The following NDUFAF2 variants were observed in gnomAD, a reference collection of about 807,000 sequenced individuals.
NDUFAF2 encodes NADH dehydrogenase [ubiquinone] 1 alpha subcomplex assembly factor 2.
Under a neutral mutation model 22.8 loss-of-function variants are expected in NDUFAF2, and 13 were observed. The observed-to-expected ratio is 0.57, with a 90% CI of 0.37 to 0.91. The LOEUF (loss-of-function observed/expected upper bound fraction) is 0.91. Ranked by LOEUF, NDUFAF2 falls within the 40% of genes least tolerant of loss-of-function variation. NDUFAF2 has a pLI of 0.01. For missense variants in NDUFAF2, 162 were observed against 195.2 expected (o/e 0.83, Z 1.01); for synonymous variants, 53 against 64.2 (o/e 0.83, Z 0.84).
chr5:61,037,814 T>C (rs779041518), intron 1 of NDUFAF2, among the ~76,000 whole-genome samples: 42 of 151,990 alleles, frequency 2.8e-4, no homozygotes, highest in Non-Finnish European at 4.7e-4. Flanking sequence ...TTCTGAAGGA[T>C]TTATGACATG....
At chr5:61,102,536 C>G (rs1268035830) in intron 3 of NDUFAF2, among the ~76,000 whole-genome samples, 2 of 151,940 alleles carry the variant, frequency 1.3e-5, no homozygotes, top group Non-Finnish European at 2.9e-5. Flanking sequence ...GGATTATAGA[C>G]TAGACATAAA....
At chr5:61,138,269 G>GAAGCAATAAT (rs1561137428) in intron 3 of NDUFAF2, among the ~76,000 whole-genome samples, 4 of 151,516 alleles carry the variant, frequency 2.6e-5, no homozygotes, top group Non-Finnish European at 4.4e-5. Context: ...GACTTATTAG[G>GAAGCAATAAT]AGTCCAAGCA....
chr5:60,985,427 C>A (rs955987088), intron 1 of NDUFAF2, among the ~76,000 whole-genome samples: 1 of 151,974 alleles, frequency 6.6e-6, no homozygotes, highest in Non-Finnish European at 1.5e-5. Flanking sequence ...TATTTCTTAC[C>A]TTCTGCTAGC....
chr5:61,060,012 C>T (rs1752144554), intron 1 of NDUFAF2, among the ~76,000 whole-genome samples: 1 of 152,088 alleles, frequency 6.6e-6, no homozygotes, highest in Non-Finnish European at 1.5e-5. Flanking sequence ...ACAGAAAGAG[C>T]TTATGCTTGG....
At chr5:60,991,687 T>A (rs534657477) in intron 1 of NDUFAF2, among the ~76,000 whole-genome samples, 6 of 152,310 alleles carry the variant, frequency 3.9e-5, no homozygotes, top group Non-Finnish European at 5.9e-5. Flanking sequence ...CACCTTTTTT[T>A]ATTCATTCAT....
chr5:61,063,615 G>A (rs555222344), intron 1 of NDUFAF2, among the ~76,000 whole-genome samples: 12 of 152,194 alleles, frequency 7.9e-5, no homozygotes, highest in Non-Finnish European at 1.3e-4. Context: ...GGTGGGGAGG[G>A]TAGAAGTCCA....
intron 3 of NDUFAF2, among the ~76,000 whole-genome samples, chr5:61,138,779 A>G (rs890775401): frequency 3.9e-5 from 6 of 152,224 alleles, no homozygotes; most frequent in African/African-American, 1.4e-4. Flanking sequence ...AGAACTGTGC[A>G]AAGAGTAATA....
chr5:61,118,861 G>A (rs914822760), intron 3 of NDUFAF2, among the ~76,000 whole-genome samples: 2 of 152,102 alleles, frequency 1.3e-5, no homozygotes, highest in East Asian at 1.9e-4. Flanking sequence ...ATGAGAAACC[G>A]GGTAGTTATT....
intron 3 of NDUFAF2, among the ~76,000 whole-genome samples, chr5:61,100,888 A>C (rs1752697630): frequency 6.6e-6 from 1 of 152,102 alleles, no homozygotes; most frequent in Admixed American, 6.6e-5. Flanking sequence ...GTTTGCCAAC[A>C]TCCAAGCCAG....
intron 1 of NDUFAF2, among the ~76,000 whole-genome samples, chr5:61,034,159 A>G (rs2112611348): frequency 6.6e-6 from 1 of 152,304 alleles, no homozygotes; most frequent in South Asian, 2.1e-4. Flanking sequence ...TTGTATTTCA[A>G]GAGGAATGGA....
intron 1 of NDUFAF2, among the ~76,000 whole-genome samples, chr5:60,959,862 C>T (rs1018416090): frequency 3.9e-5 from 6 of 152,082 alleles, no homozygotes; most frequent in East Asian, 3.9e-4. Context: ...TCCCTTAGTT[C>T]GTGTGTATAT....
intron 2 of NDUFAF2, among the ~76,000 whole-genome samples, chr5:61,075,944 T>C (rs1453509679): frequency 6.6e-6 from 1 of 152,216 alleles, no homozygotes; most frequent in Admixed American, 6.5e-5. Flanking sequence ...TCTACATTCA[T>C]AGAGCTTATT....
Position 61,010,216 on chromosome 5 carries a change from C to T in NDUFAF2, c.128-62909C>T, listed in dbSNP as rs563624666. ...TTGGTGAGATTTCTGAGTTTCAAAT[C>T]TGATTATATGACTGTAGCTTTAATT... On this transcript the variant is annotated intron_variant, in intron 1 of 3. Coordinates refer to ENST00000296597, the MANE Select transcript of NDUFAF2 (RefSeq NM_174889.5). 2.0e-5 allele frequency among the ~76,000 whole-genome samples: 3 copies of T among 152,186 alleles called. No homozygotes were observed. The South Asian group carries it at 6.2e-4, about 32-fold the overall frequency.
chr5:61,065,696 A>G (rs1752217990), intron 1 of NDUFAF2, among the ~76,000 whole-genome samples: 1 of 152,160 alleles, frequency 6.6e-6, no homozygotes, highest in African/African-American at 2.4e-5. Context: ...GAAGTTTCTC[A>G]GTGTAATAAA....
intron 3 of NDUFAF2, among the ~76,000 whole-genome samples, chr5:61,114,197 G>A (rs972396608): frequency 6.6e-6 from 1 of 151,932 alleles, no homozygotes; most frequent in African/African-American, 2.4e-5. Flanking sequence ...AGATCATGTA[G>A]GCATGGTTCC....
At chr5:61,033,029 C>A (rs1410806952) in intron 1 of NDUFAF2, among the ~76,000 whole-genome samples, 1 of 152,126 alleles carries the variant, frequency 6.6e-6, no homozygotes, top group Non-Finnish European at 1.5e-5. Context: ...GTCTTCCTAT[C>A]CATGAGCATG....
intron 1 of NDUFAF2, among the ~76,000 whole-genome samples, chr5:61,028,336 A>G (rs1181882410): frequency 6.6e-6 from 1 of 152,062 alleles, no homozygotes; most frequent in Non-Finnish European, 1.5e-5. Context: ...GAAGTCTGAA[A>G]TGATGCTTCT....
chr5:61,004,032 T>C (rs779818651), intron 1 of NDUFAF2, among the ~76,000 whole-genome samples: 1 of 151,880 alleles, frequency 6.6e-6, no homozygotes, highest in South Asian at 2.1e-4. Flanking sequence ...CTTGAAAACA[T>C]TGCATGATAG....
intron 1 of NDUFAF2, among the ~76,000 whole-genome samples, chr5:60,975,577 A>G (rs1360510874): frequency 6.6e-6 from 1 of 152,230 alleles, no homozygotes; most frequent in Non-Finnish European, 1.5e-5. Context: ...GCATGGAACT[A>G]GATGAGATCT....
Sources: gnomAD v4.1 joint callset for allele counts (sites outside exome capture counted in the v4.1 genomes callset) on GRCh38, gnomAD v4.1.1 for gene constraint, MANE v1.5 for transcripts, NCBI Gene and HGNC (gene_info 2026-07-23, HGNC 2026-07-21) for gene names.